The following ANKRD28 variants were observed in gnomAD, a reference collection of about 807,000 sequenced individuals.
ANKRD28 encodes serine/threonine-protein phosphatase 6 regulatory ankyrin repeat subunit A.
A neutral mutation model predicts 126.5 loss-of-function variants in ANKRD28; 44 were observed. That is an observed-to-expected ratio of 0.35 (90% CI 0.27 to 0.45). ANKRD28 has a LOEUF of 0.45. Ranked by LOEUF, ANKRD28 falls within the 20% of genes least tolerant of loss-of-function variation. The pLI is 1.00. For synonymous variants in ANKRD28, 442 were observed against 468.5 expected (o/e 0.94, Z 0.73); for missense variants, 1,110 against 1,316.6 (o/e 0.84, Z 2.43).
chr3:15,776,615 G>A (rs2059282167), intron 2 of ANKRD28, among the ~76,000 whole-genome samples: 1 of 152,170 alleles, frequency 6.6e-6, no homozygotes, highest in African/African-American at 2.4e-5. Context: ...ACACTGAGGG[G>A]TGGGGTGGAA....
intron 1 of ANKRD28, among the ~76,000 whole-genome samples, chr3:15,850,826 G>C (rs1416123004): frequency 6.6e-6 from 1 of 152,172 alleles, no homozygotes; most frequent in African/African-American, 2.4e-5. Flanking sequence ...ACCCAAGGAG[G>C]GGGTCATGGG....
chr3:15,778,335 T>C lies in ANKRD28; in HGVS notation c.202-12023A>G, dbSNP rs1459649806. 2.0e-5 allele frequency among the ~76,000 whole-genome samples: 3 copies of C among 152,178 alleles called. No individual in the cohort carries two copies. In the East Asian group the frequency reaches 5.8e-4, roughly 29 times the overall value. On this transcript the variant is annotated intron_variant, in intron 2 of 27. Coordinates refer to ENST00000683139, the MANE Select transcript of ANKRD28 (RefSeq NM_001349278.2). ...AGTTTTAAGGGCAGTAATTCAGGCATGGTGTGACTGGGTTCTCTGCTGAGG... is the reference window on the plus strand; with the variant it reads ...AGTTTTAAGGGCAGTAATTCAGGCACGGTGTGACTGGGTTCTCTGCTGAGG...
rs757084133 is a variant in ANKRD28, at chr3:15,724,382, A to C, written c.783T>G (p.Asp261Glu). 6.2e-7 allele frequency: 1 copy of C among 1,602,788 alleles called. No individual in the cohort carries two copies. Among genetic ancestry groups the C allele is most frequent in the Admixed American group, 1.7e-5 (1 of 58,362 alleles). Reference sequence around the variant, plus strand: ...TATACTGTTCAATTAATATACCTACATCAACTCCAAGATCTAGAAGGTACT... The same window carrying C: ...TATACTGTTCAATTAATATACCTACCTCAACTCCAAGATCTAGAAGGTACT... ...VVKYLLDLGV[D>E]MNEPNAYGNT... The change falls in exon 7 of 28, where the codon GAT (aspartate) becomes GAG (glutamate). Residue 261 changes from aspartate to glutamate, a missense_variant and splice_region_variant. Coordinates refer to ENST00000683139, the MANE Select transcript of ANKRD28 (RefSeq NM_001349278.2).
chr3:15,704,352 G>A (rs2071054925), intron 14 of ANKRD28, among the ~76,000 whole-genome samples: 1 of 151,878 alleles, frequency 6.6e-6, no homozygotes, highest in Admixed American at 6.6e-5. Context: ...GAGGATGAAG[G>A]GATAAAAGGC....
intron 4 of ANKRD28, among the ~76,000 whole-genome samples, chr3:15,740,675 T>C (rs1406945700): frequency 6.6e-6 from 1 of 152,206 alleles, no homozygotes; most frequent in Non-Finnish European, 1.5e-5. Flanking sequence ...AACACAAACA[T>C]TAAAGCTTCT....
chr3:15,837,867 C>CT (rs1379691624), intron 1 of ANKRD28, among the ~76,000 whole-genome samples: 1 of 142,438 alleles, frequency 7.0e-6, no homozygotes, highest in African/African-American at 2.6e-5. Flanking sequence ...ACCAAGAAAA[C>CT]TGACAAACCT....
intron 21 of ANKRD28, 154 bp downstream of exon 21, chr3:15,685,072 C>G (rs908947937): frequency 4.4e-6 from 3 of 687,302 alleles, no homozygotes; most frequent in Non-Finnish European, 7.4e-6. Flanking sequence ...CAGGAGTGAG[C>G]CTACGTACTA....
intron 4 of ANKRD28, among the ~76,000 whole-genome samples, chr3:15,744,395 C>T (rs896630292): frequency 6.6e-6 from 1 of 151,718 alleles, no homozygotes; most frequent in Non-Finnish European, 1.5e-5. Flanking sequence ...CTCACTGCCA[C>T]GTCTGCCTCC....
chr3:15,710,196 A>T (rs1308861249), intron 12 of ANKRD28, among the ~76,000 whole-genome samples: 1 of 152,166 alleles, frequency 6.6e-6, no homozygotes, highest in Admixed American at 6.6e-5. Context: ...CCACTGCATG[A>T]GTCCTGTCAG....
chr3:15,695,792 T>C (rs182815388), intron 15 of ANKRD28, among the ~76,000 whole-genome samples: 69 of 152,180 alleles, frequency 4.5e-4, no homozygotes, highest in African/African-American at 1.6e-3. Context: ...GGGGGAGATA[T>C]TCCTTTCACA....
intron 3 of ANKRD28, among the ~76,000 whole-genome samples, chr3:15,755,466 T>G (rs1424032364): frequency 6.6e-6 from 1 of 152,222 alleles, no homozygotes; most frequent in African/African-American, 2.4e-5. Flanking sequence ...TAAAGCTAAA[T>G]AGAGTTCTGT....
chr3:15,777,041 C>T (rs559237912), intron 2 of ANKRD28, among the ~76,000 whole-genome samples: 98 of 152,042 alleles, frequency 6.4e-4, no homozygotes, highest in Non-Finnish European at 1.3e-3. Flanking sequence ...TTTGGGAGGC[C>T]GAGGTGGGTG....
intron 2 of ANKRD28, among the ~76,000 whole-genome samples, chr3:15,779,663 AG>A (rs2059452714): frequency 6.6e-6 from 1 of 152,214 alleles, no homozygotes; most frequent in South Asian, 2.1e-4. Context: ...TTAATCTTTA[AG>A]ATCCCTTTCC....
chr3:15,819,104 C>T (rs988653451), intron 1 of ANKRD28, among the ~76,000 whole-genome samples: 5 of 151,990 alleles, frequency 3.3e-5, no homozygotes, highest in African/African-American at 1.2e-4. Context: ...ATGGCAAGAC[C>T]CTGTCTCTAC....
chr3:15,805,476 A>G (rs963097766), intron 1 of ANKRD28, among the ~76,000 whole-genome samples: 2 of 152,216 alleles, frequency 1.3e-5, no homozygotes, highest in Admixed American at 6.5e-5. Flanking sequence ...GATGAGTAGT[A>G]TCTCTGACAT....
At chr3:15,850,204 A>AAAAAAAT (rs1486394619) in intron 1 of ANKRD28, among the ~76,000 whole-genome samples, 3 of 54,834 alleles carry the variant, frequency 5.5e-5, no homozygotes, top group African/African-American at 1.8e-4. Context: ...AAAAAAAAAA[A>AAAAAAAT]ATATATATAT....
rs114182481 is a variant in ANKRD28, at chr3:15,824,753, T to C, written c.28-29447A>G. 2.7e-3 allele frequency among the ~76,000 whole-genome samples: 408 copies of C among 152,358 alleles called. 1 individual carries two copies. Among genetic ancestry groups the C allele is most frequent in the African/African-American group, 9.6e-3 (400 of 41,580 alleles). ...AGTGTGTGCATGTGCACATTTGCTA[T>C]CAGGTATCACTTATGTCAAAACGAC... On this transcript the variant is annotated intron_variant, in intron 1 of 27. Coordinates refer to the ANKRD28 transcript ENST00000399451.
rs1234353325 is a variant in ANKRD28, at chr3:15,812,068, G to T, written c.28-16762C>A. Among the ~76,000 whole-genome samples the T allele has an allele frequency of 6.6e-6, 1 of 151,670 alleles. No homozygotes were observed. Among genetic ancestry groups the T allele is most frequent in the South Asian group, 2.1e-4 (1 of 4,768 alleles). On this transcript the variant is annotated intron_variant, in intron 1 of 27. Transcript: ENST00000399451. The surrounding 1 kb of genome is among the most constrained non-coding windows in gnomAD (Gnocchi z 4.1). ...CTCAGGAGGCTGAGGTCGGAGAATC[G>T]CTTGAACCCAGGAGGCTGAGGTTGC...
chr3:15,784,097 A>C (rs182783021), intron 2 of ANKRD28, among the ~76,000 whole-genome samples: 1 of 152,184 alleles, frequency 6.6e-6, no homozygotes, highest in Non-Finnish European at 1.5e-5. Context: ...TCAAAAGTAA[A>C]GAATAAATAC....
Sources: allele counts gnomAD v4.1 joint callset (sites outside exome capture counted in the v4.1 genomes callset), GRCh38; gene constraint gnomAD v4.1.1; non-coding constraint Gnocchi (gnomAD v3.1); transcripts MANE v1.5; gene names NCBI Gene and HGNC (gene_info 2026-07-23, HGNC 2026-07-21).